TCHH: variants seen among roughly 807,000 people sequenced by gnomAD.
TCHH encodes trichohyalin.
TCHH carries 6 observed loss-of-function variants against 6.3 expected under a neutral mutation model. That is an observed-to-expected ratio of 0.95 (90% CI 0.52 to 1.88). TCHH has a LOEUF of 1.88. Among genes scored for constraint, TCHH ranks in the 40% most tolerant of loss-of-function variants. TCHH has a pLI of 0.01. For synonymous variants in TCHH, 1,087 were observed against 963.6 expected (o/e 1.13, Z -2.37); for missense variants, 2,920 against 2,449.1 (o/e 1.19, Z -4.06).
At chr1:152,115,076 T>C (rs1658477700) in intron 1 of TCHH, among the ~76,000 whole-genome samples, 2 of 152,174 alleles carry the variant, frequency 1.3e-5, no homozygotes, top group African/African-American at 4.8e-5. Flanking sequence ...GTAGAACCAA[T>C]GTAAAAGAGA....
rs561024537 is a variant in TCHH at position 152,110,959 on chromosome 1, C to T, written c.2258G>A (p.Arg753Gln). The part of the protein sequence containing the change: ...ESELQWQEEE[R>Q]AHRQQQEEEQ... ...CTCTTCCTGCTGCTGCCGGTGAGCCCGTTCCTCCTCCTGCCATTGCAGCTC... is the reference window on the plus strand; with the variant it reads ...CTCTTCCTGCTGCTGCCGGTGAGCCTGTTCCTCCTCCTGCCATTGCAGCTC... Residue 753 changes from arginine to glutamine, a missense_variant, in exon 3 of 3, where the codon CGG becomes CAG. By Grantham distance (43) the Arg-to-Gln change is conservative (BLOSUM62 1). Coordinates refer to ENST00000614923, the MANE Select transcript of TCHH (RefSeq NM_007113.4). 3.1e-6 allele frequency: 5 copies of T among 1,613,302 alleles called. No homozygotes were observed. In the African/African-American group the frequency reaches 5.3e-5, roughly 17 times the overall value.
At position 152,112,657 on chromosome 1, in the gene TCHH, C is replaced by T. The variant is rs537427106; in HGVS notation, c.560G>A (p.Arg187His). ...ACTCTGCAGCTGCTCTTCCTCTGCA[C>T]GGCGCTCTTCCCGTTCTTGCCATTC... The part of the protein sequence containing the change: ...RQEWQEREER[R>H]AEEEQLQSCK... Residue 187 changes from arginine (R) to histidine (H), a missense_variant, in exon 3 of 3, where the codon CGT becomes CAT. By Grantham distance (29) the Arg-to-His change is conservative. Coordinates refer to ENST00000614923, the MANE Select transcript of TCHH (RefSeq NM_007113.4). 38 of 1,614,006 alleles carry T rather than the reference C, an allele frequency of 2.4e-5. No homozygotes were observed. Among genetic ancestry groups the T allele is most frequent in the Middle Eastern group, 1.6e-4 (1 of 6,062 alleles).
chr1:152,110,898 C>G lies in TCHH; in HGVS notation c.2319G>C (p.Ala773=), dbSNP rs367658395. Residue 773 remains alanine, a synonymous_variant, in exon 3 of 3, where the codon GCG becomes GCC. Transcript: ENST00000614923. ...GACGGCCCCTCTCGCTCTTTTCCTC[C>G]GCCTGCCACTGCCATGTGAAGTCCC... ...QRRDFTWQWQ[A]EEKSERGRQR... is the part of the protein sequence containing the mutation. The G allele has an allele frequency of 8.1e-6, 13 of 1,611,800 alleles. No individual in the cohort carries two copies. In the East Asian group the frequency reaches 2.7e-4, roughly 33 times the overall value.
chr1:152,108,962 C>T lies in TCHH; in HGVS notation c.4255G>A (p.Glu1419Lys), dbSNP rs949835820. The change falls in exon 3 of 3, where the codon GAG becomes AAG. Residue 1419 changes from glutamate (E) to lysine (K), a missense_variant. Coordinates refer to ENST00000614923, the MANE Select transcript of TCHH (RefSeq NM_007113.4). ...TCTTGGCGGCTCAGCTGCTGTTCCT[C>T]CTCGCGGAATTTTCTGTCGCGGTCC... ...RQDRDRKFRE[E>K]EQQLSRQERD... The T allele has an allele frequency of 6.2e-7, 1 of 1,613,644 alleles. No homozygotes were observed. Among genetic ancestry groups the T allele is most frequent in the Admixed American group, 1.7e-5 (1 of 59,990 alleles).
rs188935941 is a variant in TCHH at position 152,111,269 on chromosome 1, C to A, written c.1948G>T (p.Glu650Ter). The A allele has an allele frequency of 7.5e-6, 12 of 1,604,300 alleles. No homozygotes were observed. Reference sequence around the variant, plus strand: ...CGCTGCTCGCGCCTTTCCTGCTGCTCGCGCCTTAGTTGCTGCTGGCGCCTC... The same window carrying A: ...CGCTGCTCGCGCCTTTCCTGCTGCTAGCGCCTTAGTTGCTGCTGGCGCCTC... ...EERRQQQLRR[E>*]QQERREQRLK... Residue 650 changes from glutamate to a stop codon, truncating the protein, a stop_gained, in exon 3 of 3, where the codon GAG (glutamate) becomes TAG (stop). Coordinates refer to ENST00000614923, the MANE Select transcript of TCHH (RefSeq NM_007113.4). LOFTEE classifies it low-confidence loss of function (END_TRUNC).
rs936855184 is a variant in TCHH at position 152,109,641 on chromosome 1, G to C, written c.3576C>G (p.Arg1192=). 1 of 1,610,578 alleles carries C rather than the reference G, an allele frequency of 6.2e-7. No individual in the cohort carries two copies. Among genetic ancestry groups the C allele is most frequent in the Middle Eastern group, 1.7e-4 (1 of 6,032 alleles). ...CCCGATACTGCCTCTCCCGCTCCTG[G>C]CGCCTTTTCTCCTGTTCCTCTCTCA... ...QLLREEQEKR[R]QERERQYREE... is the part of the protein sequence containing the mutation. The change falls in exon 3 of 3, where the codon CGC becomes CGG. Residue 1192 remains arginine (R), a synonymous_variant. Transcript: ENST00000614923.
chr1:152,107,856 C>G lies in TCHH; in HGVS notation c.5361G>C (p.Gln1787His), dbSNP rs1335918436. ...EQLRQEREEQQLRSQESDRKF... is the reference protein window; with the variant it reads ...EQLRQEREEQHLRSQESDRKF... Reference sequence around the variant, plus strand: ...TTCTGTCAGACTCTTGGCTGCGCAGCTGCTGTTCCTCCCTCTCCTGGCGGA... The same window carrying G: ...TTCTGTCAGACTCTTGGCTGCGCAGGTGCTGTTCCTCCCTCTCCTGGCGGA... Residue 1787 changes from glutamine to histidine, a missense_variant, in exon 3 of 3, where the codon CAG (glutamine) becomes CAC (histidine). Coordinates refer to ENST00000614923, the MANE Select transcript of TCHH (RefSeq NM_007113.4). 6.2e-7 allele frequency: 1 copy of G among 1,614,016 alleles called. No homozygotes were observed. Among genetic ancestry groups the G allele is most frequent in the Non-Finnish European group, 8.5e-7 (1 of 1,179,976 alleles).
rs1210407601 is a variant in TCHH, at chr1:152,109,484, T to C, written c.3733A>G (p.Arg1245Gly). The C allele has an allele frequency of 4.3e-6, 7 of 1,614,280 alleles. No individual in the cohort carries two copies. Among genetic ancestry groups the C allele is most frequent in the Non-Finnish European group, 5.9e-6 (7 of 1,180,048 alleles). ...AACTGCCGGAACTGTTCATTCTCTC[T>C]GCCTTTGCAGTAAACCTTGTTATCA... ...VRDNKVYCKG[R>G]ENEQFRQLED... The change falls in exon 3 of 3, where the codon AGA becomes GGA. Residue 1245 changes from arginine (R) to glycine (G), a missense_variant. Arg to Gly is a moderately radical substitution (Grantham distance 125). Transcript: ENST00000614923.
rs2101522123 is a variant in TCHH, at chr1:152,107,583, C to T, written c.5634G>A (p.Arg1878=). Residue 1878 remains arginine (R), a synonymous_variant, in exon 3 of 3, where the codon AGG becomes AGA. Coordinates refer to ENST00000614923, the MANE Select transcript of TCHH (RefSeq NM_007113.4). ...EEQKRRQERE[R]KLREEHIRRQ... Reference sequence around the variant, plus strand: ...GGCGGATGTGTTCTTCCCGTAATTTCCTTTCCCGTTCCTGGCGACGTTTCT... The same window carrying T: ...GGCGGATGTGTTCTTCCCGTAATTTTCTTTCCCGTTCCTGGCGACGTTTCT... 2 of 1,614,122 alleles carry T rather than the reference C, an allele frequency of 1.2e-6. No homozygotes were observed. Among genetic ancestry groups the T allele is most frequent in the Non-Finnish European group, 1.7e-6 (2 of 1,180,002 alleles).
At position 152,109,925 on chromosome 1, in the gene TCHH, G is replaced by A; in HGVS notation, c.3292C>T (p.Pro1098Ser). ...CGCTCCTGGCGCCTTCTCTTCTCCGGTTCCTCTCTCAGCAGCTGCTCTTCC... is the reference window on the plus strand; with the variant it reads ...CGCTCCTGGCGCCTTCTCTTCTCCGATTCCTCTCTCAGCAGCTGCTCTTCC... ...QEEEQLLREE[P>S]EKRRRQERER... The change falls in exon 3 of 3, where the codon CCG becomes TCG. Residue 1098 changes from proline to serine, a missense_variant. Pro to Ser is a moderately conservative substitution (Grantham distance 74). Transcript: ENST00000614923. 3.8e-6 allele frequency: 6 copies of A among 1,586,642 alleles called. No individual in the cohort carries two copies. The highest frequency in any genetic ancestry group is 5.1e-6 in the Non-Finnish European group (6 of 1,170,080).
chr1:152,108,240 T>C lies in TCHH; in HGVS notation c.4977A>G (p.Gln1659=). 3.7e-6 allele frequency: 6 copies of C among 1,612,528 alleles called. No homozygotes were observed. The highest frequency in any genetic ancestry group is 5.1e-6 in the Non-Finnish European group (6 of 1,179,586). The change falls in exon 3 of 3, where the codon CAA becomes CAG. Residue 1659 remains glutamine, a synonymous_variant. Transcript: ENST00000614923. The part of the protein sequence containing the change: ...EPQLRRQERE[Q]QLRHDRDRKF... Reference sequence around the variant, plus strand: ...TTCTGTCGCGGTCGTGACGCAGCTGTTGTTCGCGCTCCTGGCGGCGCAGCT... The same window carrying C: ...TTCTGTCGCGGTCGTGACGCAGCTGCTGTTCGCGCTCCTGGCGGCGCAGCT...
In TCHH at chr1:152,108,749, C is replaced by T. The variant is rs775270852; in HGVS notation, c.4468G>A (p.Glu1490Lys). 1.9e-6 allele frequency: 3 copies of T among 1,613,426 alleles called. No homozygotes were observed. Among genetic ancestry groups the T allele is most frequent in the East Asian group, 4.5e-5 (2 of 44,754 alleles). The change falls in exon 3 of 3, where the codon GAG becomes AAG. Residue 1490 changes from glutamate (E) to lysine (K), a missense_variant. By Grantham distance (56) the Glu-to-Lys change is moderately conservative. Coordinates refer to ENST00000614923, the MANE Select transcript of TCHH (RefSeq NM_007113.4). ...TCTTGGCGGCGCAGCTGTTGTTCCT[C>T]CTCCAGGAATTTTCTGTCACGCTCT... ...RQERDRKFLE[E>K]EQQLRRQERD...
rs1658241682 is a variant in TCHH, at chr1:152,109,454, C to G, written c.3763G>C (p.Asp1255His). 2 of 1,614,276 alleles carry G rather than the reference C, an allele frequency of 1.2e-6. No individual in the cohort carries two copies. Among genetic ancestry groups the G allele is most frequent in the Admixed American group, 3.3e-5 (2 of 60,036 alleles). Residue 1255 changes from aspartate (D) to histidine (H), a missense_variant, in exon 3 of 3, where the codon GAT becomes CAT. Coordinates refer to ENST00000614923, the MANE Select transcript of TCHH (RefSeq NM_007113.4). Reference protein sequence around the residue: ...RENEQFRQLEDSQLRDRQSQQ... With the variant: ...RENEQFRQLEHSQLRDRQSQQ... ...GATTGTCTGTCGCGCAGCTGGGAATCTTCCAACTGCCGGAACTGTTCATTC... is the reference window on the plus strand; with the variant it reads ...GATTGTCTGTCGCGCAGCTGGGAATGTTCCAACTGCCGGAACTGTTCATTC...
Position 152,108,970 on chromosome 1 carries a change from A to C in TCHH, c.4247T>G (p.Phe1416Cys). The C allele has an allele frequency of 6.2e-7, 1 of 1,601,006 alleles. No individual in the cohort carries two copies. Among genetic ancestry groups the C allele is most frequent in the Non-Finnish European group, 8.5e-7 (1 of 1,177,698 alleles). ...GCTCAGCTGCTGTTCCTCCTCGCGG[A>C]ATTTTCTGTCGCGGTCCTGACGCAG... Reference protein sequence around the residue: ...QQLRQDRDRKFREEEQQLSRQ... With the variant: ...QQLRQDRDRKCREEEQQLSRQ... Residue 1416 changes from phenylalanine (F) to cysteine (C), a missense_variant, in exon 3 of 3, where the codon TTC (phenylalanine) becomes TGC (cysteine). By Grantham distance (205) the Phe-to-Cys change is radical. Transcript: ENST00000614923.
Position 152,110,914 on chromosome 1 carries a change from G to T in TCHH, c.2303C>A (p.Thr768Lys). 1 of 1,611,606 alleles carries T rather than the reference G, an allele frequency of 6.2e-7. No homozygotes were observed. The highest frequency in any genetic ancestry group is 8.5e-7 in the Non-Finnish European group (1 of 1,179,598). The change falls in exon 3 of 3, where the codon ACA becomes AAA. Residue 768 changes from threonine to lysine, a missense_variant. Thr to Lys is a moderately conservative substitution (Grantham distance 78). Transcript: ENST00000614923. ...QQEEEQRRDF[T>K]WQWQAEEKSE... ...CTTTTCCTCCGCCTGCCACTGCCAT[G>T]TGAAGTCCCGGCGCTGCTCCTCTTC... is the stretch of plus-strand genomic sequence containing the variant.
At position 152,107,664 on chromosome 1, in the gene TCHH, A is replaced by C. The variant is rs760550905; in HGVS notation, c.5553T>G (p.Phe1851Leu). 6.2e-7 allele frequency: 1 copy of C among 1,613,498 alleles called. No individual in the cohort carries two copies. The highest frequency in any genetic ancestry group is 1.7e-5 in the Admixed American group (1 of 59,994). ...RDRQYRAEEQ[F>L]ATQEKSRREE... ...CACGACGACTCTTCTCCTGCGTGGCAAACTGCTCCTCCGCCCGGTACTGCC... is the reference window on the plus strand; with the variant it reads ...CACGACGACTCTTCTCCTGCGTGGCCAACTGCTCCTCCGCCCGGTACTGCC... The change falls in exon 3 of 3, where the codon TTT (phenylalanine) becomes TTG (leucine). Residue 1851 changes from phenylalanine to leucine, a missense_variant. Physicochemically the swap from Phe to Leu is conservative, Grantham distance 22 (BLOSUM62 0). Transcript: ENST00000614923.
Position 152,107,500 on chromosome 1 carries a change from C to T in TCHH, c.5717G>A (p.Gly1906Glu). The T allele has an allele frequency of 1.2e-6, 2 of 1,614,202 alleles. No homozygotes were observed. Among genetic ancestry groups the T allele is most frequent in the African/African-American group, 1.3e-5 (1 of 75,050 alleles). Reference sequence around the variant, plus strand: ...CTCCAGAAGCCGCCCATGGCCCTTCCCTTCTTGGGATTTTATCTCCCCGAC... The same window carrying T: ...CTCCAGAAGCCGCCCATGGCCCTTCTCTTCTTGGGATTTTATCTCCCCGAC... ...RQVGEIKSQE[G>E]KGHGRLLEPG... Residue 1906 changes from glycine to glutamate, a missense_variant, in exon 3 of 3, where the codon GGG becomes GAG. Gly to Glu is a moderately conservative substitution (Grantham distance 98, BLOSUM62 -2). Coordinates refer to ENST00000614923, the MANE Select transcript of TCHH (RefSeq NM_007113.4).
rs1348163121 is a variant in TCHH, at chr1:152,111,735, C to T, written c.1482G>A (p.Glu494=). Residue 494 remains glutamate (E), a synonymous_variant, in exon 3 of 3, where the codon GAG becomes GAA. Transcript: ENST00000614923. The stretch of plus-strand genomic sequence containing the variant: ...GCCTCTCCTGCTGCTCGCGCCTCTC[C>T]TCCTCCTCGAGCTTCAGCCAACGTT... ...RRERWLKLEE[E]ERREQQERRE... is the part of the protein sequence containing the mutation. The T allele has an allele frequency of 6.3e-7, 1 of 1,593,560 alleles. No homozygotes were observed. The highest frequency in any genetic ancestry group is 2.3e-5 in the East Asian group (1 of 44,030).
At position 152,110,005 on chromosome 1, in the gene TCHH, C is replaced by T. The variant is rs758211875; in HGVS notation, c.3212G>A (p.Arg1071Lys). The T allele has an allele frequency of 2.6e-6, 4 of 1,538,198 alleles. No homozygotes were observed. The highest frequency in any genetic ancestry group is 1.9e-5 in the Admixed American group (1 of 53,108). The change falls in exon 3 of 3, where the codon AGA (arginine) becomes AAA (lysine). Residue 1071 changes from arginine to lysine, a missense_variant. Transcript: ENST00000614923. ...EQLLGEERETRRRQELERQYR... is the reference protein window; with the variant it reads ...EQLLGEERETKRRQELERQYR... ...TTGCCTCTCCAGCTCCTGGCGCCTT[C>T]TCGTCTCCCGTTCCTCTCCCAGCAG...
Sources: gnomAD v4.1 joint callset for allele counts (sites outside exome capture counted in the v4.1 genomes callset) on GRCh38, gnomAD v4.1.1 for gene constraint, MANE v1.5 for transcripts, NCBI Gene and HGNC (gene_info 2026-07-23, HGNC 2026-07-21) for gene names.